Variants in ADAT3 observed in about 807,000 individuals in gnomAD.
ADAT3 encodes adenosine deaminase tRNA specific 3, also known as tRNA-specific adenosine-34 deaminase regulatory subunit ADAT3.
A neutral mutation model predicts 3.5 loss-of-function variants in ADAT3; 2 were observed. That is an observed-to-expected ratio of 0.57 (90% CI 0.23 to 1.79). ADAT3 has a LOEUF of 1.79. ADAT3 is among the 40% of genes most tolerant of loss of function. The pLI is 0.18. For synonymous variants in ADAT3, 358 were observed against 270.3 expected, an observed-to-expected ratio of 1.32 and a Z score of -3.18; for missense variants, 735 against 571.4, an observed-to-expected ratio of 1.29 and a Z score of -2.92.
chr19:1,909,810 C>T (rs1322850894), intron 1 of ADAT3, among the ~76,000 whole-genome samples: 3 of 152,198 alleles, frequency 2.0e-5, no homozygotes, highest in Non-Finnish European at 4.4e-5. Context: ...CTGCTCCACC[C>T]GACAGCCAGG....
At chr19:1,906,850 CAA>C (rs919454906) in intron 1 of ADAT3, 6 of 66,372 alleles carry the variant, frequency 9.0e-5, no homozygotes, top group Admixed American at 3.7e-4. Context: ...GACTCCGTCT[CAA>C]AAAAAAAAAA....
At position 1,912,863 on chromosome 19, in the gene ADAT3, C is replaced by G. The variant is rs1453941393; in HGVS notation, c.816C>G (p.Ala272=). The G allele has an allele frequency of 6.2e-7, 1 of 1,600,092 alleles. No individual in the cohort carries two copies. The highest frequency in any genetic ancestry group is 8.5e-7 in the Non-Finnish European group (1 of 1,177,712). The part of the protein sequence containing the change: ...FPACSFAPAA[A]PQAVRAGAVR... ...CCTGCTCCTTCGCCCCGGCCGCTGCCCCCCAGGCCGTCCGCGCAGGCGCCG... is the reference window on the plus strand; with the variant it reads ...CCTGCTCCTTCGCCCCGGCCGCTGCGCCCCAGGCCGTCCGCGCAGGCGCCG... The change falls in exon 2 of 2, where the codon GCC becomes GCG. Residue 272 remains alanine, a synonymous_variant. Transcript: ENST00000329478.
intron 1 of ADAT3, among the ~76,000 whole-genome samples, chr19:1,909,514 G>A (rs947313437): frequency 6.6e-6 from 1 of 152,108 alleles, no homozygotes; most frequent in African/African-American, 2.4e-5. Flanking sequence ...GCCAGCAGCA[G>A]GGATGGTAAC....
chr19:1,909,878 G>A (rs1267397877), intron 1 of ADAT3, among the ~76,000 whole-genome samples: 1 of 152,246 alleles, frequency 6.6e-6, no homozygotes, highest in Non-Finnish European at 1.5e-5. Flanking sequence ...CACCAGGGGA[G>A]GGGCTGCGCT....
At chr19:1,910,123 G>A (rs1205883713) in intron 1 of ADAT3, among the ~76,000 whole-genome samples, 1 of 152,182 alleles carries the variant, frequency 6.6e-6, no homozygotes, top group Admixed American at 6.5e-5. Context: ...GCCAGCTCCC[G>A]GTTCTGTGGG....
In ADAT3 at chr19:1,913,202, C is replaced by T. The variant is rs751350195; in HGVS notation, c.*51C>T. ...TTCCCGCTCCCGGCCGTGGGGCGCC[C>T]CTCCTGGACTTCCGGGCCTCGATTT... On this transcript the variant is annotated 3_prime_UTR_variant, in exon 2 of 2. Transcript: ENST00000329478. 6.3e-5 allele frequency: 92 copies of T among 1,461,240 alleles called. No homozygotes were observed. The highest frequency in any genetic ancestry group is 7.7e-5 in the Non-Finnish European group (85 of 1,107,374). The allele number at this position is 1,461,240 out of a possible 1,614,324, so 90.5% of individuals were successfully genotyped here. A position where few individuals can be genotyped will look rare whatever the true frequency, so the allele number is the denominator to read the frequency against.
At position 1,912,027 on chromosome 19, in the gene ADAT3, C is replaced by G; in HGVS notation, c.-21C>G. ...CCGGGACGGACTCCCCGGCTCTCCC[C>G]CAGCCGCCCGCAGCCGCCGGATGAT... On this transcript the variant is annotated 5_prime_UTR_variant, in exon 2 of 2. Coordinates refer to ENST00000329478, the MANE Select transcript of ADAT3 (RefSeq NM_138422.4). The G allele has an allele frequency of 7.1e-7, 1 of 1,417,882 alleles. No homozygotes were observed. Among genetic ancestry groups the G allele is most frequent in the African/African-American group, 1.5e-5 (1 of 67,034 alleles). 87.8% of individuals were successfully genotyped at this position (1,417,882 alleles called of 1,614,324 possible). A position where few individuals can be genotyped will look rare whatever the true frequency, so the allele number is the denominator to read the frequency against.
At position 1,912,133 on chromosome 19, in the gene ADAT3, G is replaced by T. The variant is rs777249734; in HGVS notation, c.86G>T (p.Cys29Phe). 8 of 1,556,084 alleles carry T rather than the reference G, an allele frequency of 5.1e-6. No homozygotes were observed. Among genetic ancestry groups the T allele is most frequent in the Non-Finnish European group, 6.9e-6 (8 of 1,156,216 alleles). ...CCGGGCCTCGTGGAGCAGCCCAAGT[G>T]CTTGGAGGCCGGGAGCCCGGAGCCT... Reference protein sequence around the residue: ...PAPGLVEQPKCLEAGSPEPEP... With the variant: ...PAPGLVEQPKFLEAGSPEPEP... Residue 29 changes from cysteine (C) to phenylalanine (F), a missense_variant, in exon 2 of 2, where the codon TGC becomes TTC. Cys to Phe is a radical substitution (Grantham distance 205). Coordinates refer to ENST00000329478, the MANE Select transcript of ADAT3 (RefSeq NM_138422.4).
intron 1 of ADAT3, 38 bp from the exon 2 acceptor site, chr19:1,911,852 T>C (rs2013466931): frequency 3.8e-6 from 2 of 531,846 alleles, no homozygotes; most frequent in African/African-American, 2.0e-5. Flanking sequence ...ATCTTCGTTT[T>C]TAAAAACCAA....
In ADAT3 at chr19:1,908,249, C is replaced by G. The variant is rs1003567401; in HGVS notation, c.-159+2810C>G. On this transcript the variant is annotated intron_variant, in intron 1 of 1. Transcript: ENST00000329478. This position sits in a 1 kb window ranked among gnomAD's most constrained non-coding sequence, Gnocchi z 4.2. ...GCACCTGGCGCTGCCTCCGCGCTTC[C>G]TGCTCCCGGCTCCCACTGCATCTCC... 4.9e-5 allele frequency: 14 copies of G among 283,904 alleles called. No individual in the cohort carries two copies. Among genetic ancestry groups the G allele is most frequent in the Non-Finnish European group, 8.4e-5 (12 of 142,978 alleles). The allele number at this position is 283,904 out of a possible 1,614,324, so 17.6% of individuals were successfully genotyped here. A position where few individuals can be genotyped will look rare whatever the true frequency, so the allele number is the denominator to read the frequency against.
At chr19:1,909,791 A>C (rs1247901258) in intron 1 of ADAT3, among the ~76,000 whole-genome samples, 1 of 152,196 alleles carries the variant, frequency 6.6e-6, no homozygotes, top group Non-Finnish European at 1.5e-5. Flanking sequence ...GGGACACCCC[A>C]GTGGCTGCCT....
chr19:1,905,609 G>A (rs1473467708), intron 1 of ADAT3, 170 bp downstream of exon 1: 3 of 165,600 alleles, frequency 1.8e-5, no homozygotes, highest in African/African-American at 7.3e-5. Flanking sequence ...GGTGGGCGAC[G>A]CGGGGAGGCG....
Position 1,908,949 on chromosome 19 carries a change from A to G in ADAT3, c.-158-2941A>G, listed in dbSNP as rs780302046. 6.6e-5 allele frequency among the ~76,000 whole-genome samples: 10 copies of G among 152,088 alleles called. No homozygotes were observed. Among genetic ancestry groups the G allele is most frequent in the Non-Finnish European group, 1.2e-4 (8 of 68,024 alleles). On this transcript the variant is annotated intron_variant, in intron 1 of 1. Transcript: ENST00000329478. This position sits in a 1 kb window ranked among gnomAD's most constrained non-coding sequence, Gnocchi z 4.2. ...GTGGAACCCCGTCTCTACTGAAAAT[A>G]CAAAAATTAGCCGGGCGTGGTGGCA...
At position 1,912,405 on chromosome 19, in the gene ADAT3, C is replaced by T. The variant is rs751225755; in HGVS notation, c.358C>T (p.Arg120Cys). Residue 120 changes from arginine to cysteine, a missense_variant, in exon 2 of 2, where the codon CGC (arginine) becomes TGC (cysteine). Physicochemically the swap from Arg to Cys is radical, Grantham distance 180. Transcript: ENST00000329478. ...CCTGGCTGGGCCGGCCTCGGGCCCG[C>T]GCTCGCTGGCTGAGCTCCTGCCACG... ...LCLAGPASGP[R>C]SLAELLPRPA... 21 of 1,514,826 alleles carry T rather than the reference C, an allele frequency of 1.4e-5. 1 individual carries two copies. Among genetic ancestry groups the T allele is most frequent in the African/African-American group, 1.0e-4 (7 of 69,536 alleles). The allele number at this position is 1,514,826 out of a possible 1,614,324, so 93.8% of individuals were successfully genotyped here. A position where few individuals can be genotyped will look rare whatever the true frequency, so the allele number is the denominator to read the frequency against.
In ADAT3 at chr19:1,908,698, T is replaced by C. The variant is rs1018837369; in HGVS notation, c.-158-3192T>C. The C allele has an allele frequency of 1.5e-4, 59 of 402,734 alleles. No homozygotes were observed. Among genetic ancestry groups the C allele is most frequent in the African/African-American group, 1.2e-3 (56 of 48,164 alleles). The allele number at this position is 402,734 out of a possible 1,614,324, so 24.9% of individuals were successfully genotyped here. ...TTTGAAAAAAGGAACAGGGTCTCTC[T>C]ATCTTGCCCACGTTGGTCTCAAACT... On this transcript the variant is annotated intron_variant, in intron 1 of 1. Transcript: ENST00000329478. The surrounding 1 kb of genome is among the most constrained non-coding windows in gnomAD (Gnocchi z 4.2).
At position 1,908,932 on chromosome 19, in the gene ADAT3, C is replaced by T. The variant is rs1352469768; in HGVS notation, c.-158-2958C>T. On this transcript the variant is annotated intron_variant, in intron 1 of 1. Transcript: ENST00000329478. The surrounding 1 kb of genome is among the most constrained non-coding windows in gnomAD (Gnocchi z 4.2). ...CCAGCCTGGCCAACATGGTGGAACC[C>T]CGTCTCTACTGAAAATACAAAAATT... Among the ~76,000 whole-genome samples, 1 of 151,964 alleles carries T rather than the reference C, an allele frequency of 6.6e-6. No individual in the cohort carries two copies. The highest frequency in any genetic ancestry group is 1.5e-5 in the Non-Finnish European group (1 of 68,024).
At position 1,913,259 on chromosome 19, in the gene ADAT3, G is replaced by T; in HGVS notation, c.*108G>T. On this transcript the variant is annotated 3_prime_UTR_variant, in exon 2 of 2. Coordinates refer to ENST00000329478, the MANE Select transcript of ADAT3 (RefSeq NM_138422.4). ...CACAAGCCTGACCGTGGATTTCAGG[G>T]ACACATACCGCCTCCAGCGGGGAGC... 2 of 1,412,126 alleles carry T rather than the reference G, an allele frequency of 1.4e-6. No individual in the cohort carries two copies. Among genetic ancestry groups the T allele is most frequent in the Non-Finnish European group, 1.9e-6 (2 of 1,068,084 alleles). The allele number at this position is 1,412,126 out of a possible 1,614,324, so 87.5% of individuals were successfully genotyped here.
chr19:1,907,529 G>C (rs963348402), intron 1 of ADAT3, among the ~76,000 whole-genome samples: 3 of 152,176 alleles, frequency 2.0e-5, no homozygotes, highest in African/African-American at 4.8e-5. Context: ...GGGCAGGTTG[G>C]GGACTGGGTG....
Position 1,912,561 on chromosome 19 carries a change from G to GTGACCAGC in ADAT3, c.515_522dup (p.Ala175Ter). ...CACGTCCTTCCACGAGGACAAGCAG[G>GTGACCAGC]TGACCAGCGCCCTGGCTGGGCGGCT... is the stretch of plus-strand genomic sequence containing the variant. On this transcript the variant is annotated frameshift_variant, in exon 2 of 2. Transcript: ENST00000329478. LOFTEE classifies it low-confidence loss of function (END_TRUNC). The GTGACCAGC allele has an allele frequency of 1.0e-5, 15 of 1,499,870 alleles. No individual in the cohort carries two copies. The highest frequency in any genetic ancestry group is 1.2e-5 in the Non-Finnish European group (14 of 1,131,436). 92.9% of individuals were successfully genotyped at this position (1,499,870 alleles called of 1,614,324 possible). A position where few individuals can be genotyped will look rare whatever the true frequency, so the allele number is the denominator to read the frequency against.
Sources: gnomAD v4.1 joint callset for allele counts (sites outside exome capture counted in the v4.1 genomes callset) on GRCh38, gnomAD v4.1.1 for gene constraint, Gnocchi (gnomAD v3.1) non-coding constraint, MANE v1.5 for transcripts, NCBI Gene and HGNC (gene_info 2026-07-23, HGNC 2026-07-21) for gene names.